SCFD2: variants seen among roughly 807,000 people sequenced by gnomAD.
The protein encoded by SCFD2 is sec1 family domain-containing protein 2.
A neutral mutation model predicts 58.9 loss-of-function variants in SCFD2; 54 were observed. That is an observed-to-expected ratio of 0.92 (90% confidence interval 0.74 to 1.15). SCFD2 has a LOEUF of 1.15. SCFD2 is among the 50% of genes most tolerant of loss of function. The pLI is 0.00. For synonymous variants in SCFD2, 321 were observed against 335.9 expected (o/e 0.96, Z 0.49); for missense variants, 805 against 836.6 (o/e 0.96, Z 0.47).
chr4:53,013,176 AC>A (rs1269248662), intron 5 of SCFD2, among the ~76,000 whole-genome samples: 2 of 152,174 alleles, frequency 1.3e-5, no homozygotes, highest in Admixed American at 6.5e-5. Flanking sequence ...CTTCCTTTAC[AC>A]CTACAGTACT....
chr4:53,152,144 T>C (rs1159420841), intron 4 of SCFD2, among the ~76,000 whole-genome samples: 2 of 152,328 alleles, frequency 1.3e-5, no homozygotes, highest in African/African-American at 2.4e-5. Flanking sequence ...TCATCTGATG[T>C]AATTAACAAG....
chr4:52,997,832 G>A (rs556708135), intron 5 of SCFD2, among the ~76,000 whole-genome samples: 18 of 152,236 alleles, frequency 1.2e-4, no homozygotes, highest in African/African-American at 4.1e-4. Flanking sequence ...TATATCCCTG[G>A]CAGCCCTTGG....
chr4:52,923,089 T>C (rs748229609), intron 5 of SCFD2, among the ~76,000 whole-genome samples: 1 of 152,146 alleles, frequency 6.6e-6, no homozygotes, highest in Non-Finnish European at 1.5e-5. Context: ...TCAGTCACTG[T>C]GTGACATTGT....
At chr4:53,203,627 A>T (rs1262405645) in intron 4 of SCFD2, among the ~76,000 whole-genome samples, 9 of 152,104 alleles carry the variant, frequency 5.9e-5, no homozygotes, top group Non-Finnish European at 1.3e-4. Flanking sequence ...TTGAAAGCCA[A>T]TGAATAAGGT....
At chr4:53,166,819 CAAA>C (rs1200367127) in intron 4 of SCFD2, among the ~76,000 whole-genome samples, 7 of 102,292 alleles carry the variant, frequency 6.8e-5, no homozygotes, top group African/African-American at 2.4e-4. Flanking sequence ...GGTGTAATAT[CAAA>C]AATGCCCACC....
intron 4 of SCFD2, among the ~76,000 whole-genome samples, chr4:53,247,049 G>C (rs192400936): frequency 2.7e-3 from 395 of 148,148 alleles, no homozygotes; most frequent in African/African-American, 9.3e-3. Context: ...GTGGGCAAAG[G>C]TTGAATACTA....
intron 5 of SCFD2, among the ~76,000 whole-genome samples, chr4:52,921,688 C>T (rs1051238250): frequency 2.0e-5 from 3 of 152,092 alleles, no homozygotes; most frequent in African/African-American, 4.8e-5. Flanking sequence ...AAGGCCCTGC[C>T]CATACCCACT....
chr4:52,899,978 C>T (rs990692593), intron 7 of SCFD2, among the ~76,000 whole-genome samples: 4 of 152,172 alleles, frequency 2.6e-5, no homozygotes, highest in Admixed American at 6.5e-5. Context: ...ACGTAGTTCT[C>T]GTGCCGTGGT....
At chr4:53,140,572 T>C (rs1236566545) in intron 5 of SCFD2, among the ~76,000 whole-genome samples, 2 of 151,718 alleles carry the variant, frequency 1.3e-5, no homozygotes, top group Non-Finnish European at 2.9e-5. Context: ...AGAGGATGCA[T>C]TCATAAAAAT....
intron 3 of SCFD2, among the ~76,000 whole-genome samples, chr4:53,311,704 C>G (rs1025221416): frequency 2.7e-4 from 41 of 151,592 alleles, no homozygotes; most frequent in African/African-American, 9.7e-4. Flanking sequence ...GGCGCAATCT[C>G]AGCTCACTGG....
Position 53,299,239 on chromosome 4 carries a change from G to T in SCFD2, c.1135+14397C>A, listed in dbSNP as rs190063839. Among the ~76,000 whole-genome samples, 306 of 152,296 alleles carry T rather than the reference G, an allele frequency of 2.0e-3. 1 individual carries two copies. Among genetic ancestry groups the T allele is most frequent in the African/African-American group, 7.1e-3 (295 of 41,554 alleles). Reference sequence around the variant, plus strand: ...GGATAACTAGAATAACCAATGCAGAGAAGTCCTTAAAGGACCTGATGGAGC... The same window carrying T: ...GGATAACTAGAATAACCAATGCAGATAAGTCCTTAAAGGACCTGATGGAGC... On this transcript the variant is annotated intron_variant, in intron 3 of 8. Transcript: ENST00000401642.
chr4:52,874,612 A>G (rs1272843603), intron 8 of SCFD2, among the ~76,000 whole-genome samples: 1 of 152,164 alleles, frequency 6.6e-6, no homozygotes, highest in East Asian at 1.9e-4. Flanking sequence ...CTAGAAGTCC[A>G]AGATCAAGGT....
At chr4:53,096,638 C>A (rs1724645378) in intron 5 of SCFD2, among the ~76,000 whole-genome samples, 1 of 152,162 alleles carries the variant, frequency 6.6e-6, no homozygotes, top group Non-Finnish European at 1.5e-5. Context: ...GAGTAGATTG[C>A]AAAAATTTTC....
chr4:53,087,650 CTTTTTCCTTTTTTTTTTTTTT>C (rs1724348236), intron 5 of SCFD2, among the ~76,000 whole-genome samples: 1 of 137,716 alleles, frequency 7.3e-6, no homozygotes, highest in South Asian at 2.3e-4. Context: ...TTTCTTTTTT[CTTTTTCCTTTTTTTTTTTTTT>C]TTTTTTGAGA....
chr4:53,345,992 C>G (rs550302956), intron 2 of SCFD2, among the ~76,000 whole-genome samples: 1 of 152,052 alleles, frequency 6.6e-6, no homozygotes, highest in African/African-American at 2.4e-5. Context: ...GGAGAAATAC[C>G]TAACGTAAAT....
intron 5 of SCFD2, among the ~76,000 whole-genome samples, chr4:52,995,245 T>G (rs546684401): frequency 1.3e-5 from 2 of 152,260 alleles, no homozygotes; most frequent in East Asian, 3.9e-4. Flanking sequence ...CATTAGATTC[T>G]CACAAGGAGC....
At chr4:53,169,906 G>A (rs1025847060) in intron 4 of SCFD2, among the ~76,000 whole-genome samples, 12 of 151,958 alleles carry the variant, frequency 7.9e-5, no homozygotes, top group Admixed American at 5.9e-4. Context: ...GAGATGTTTC[G>A]GTTCCTTAAA....
rs1734677762 is a variant in SCFD2 at position 53,365,629 on chromosome 4, T to C, written c.313A>G (p.Thr105Ala). The C allele has an allele frequency of 6.2e-7, 1 of 1,614,092 alleles. No individual in the cohort carries two copies. The highest frequency in any genetic ancestry group is 8.5e-7 in the Non-Finnish European group (1 of 1,180,046). Residue 105 changes from threonine to alanine, a missense_variant, in exon 1 of 9, where the codon ACA (threonine) becomes GCA (alanine). By Grantham distance (58) the Thr-to-Ala change is moderately conservative. Around this residue, in one of 3 missense-constraint regions of SCFD2, gnomAD observed 155 missense variants for 149.7 expected, o/e 1.04. Coordinates refer to ENST00000401642, the MANE Select transcript of SCFD2 (RefSeq NM_152540.4). This position sits in a 1 kb window ranked among gnomAD's most constrained non-coding sequence, Gnocchi z 4.3. ...AGGTGGACAGCGTGGCTCACGGTTG[T>C]GACCACCACACAATACTGGAAGTGA... ...RSHFQYCVVV[T>A]TVSHAVHLTA... is the part of the protein sequence containing the mutation.
intron 5 of SCFD2, among the ~76,000 whole-genome samples, chr4:52,989,014 G>GA (rs34413412): frequency 5.3e-5 from 8 of 152,120 alleles, no homozygotes; most frequent in South Asian, 2.1e-4. Context: ...AATCCTGGGG[G>GA]AAAAAAGTGG....
Sources: allele counts gnomAD v4.1 joint callset (sites outside exome capture counted in the v4.1 genomes callset), GRCh38; gene constraint gnomAD v4.1.1; regional missense constraint gnomAD v4.1.1; non-coding constraint Gnocchi (gnomAD v3.1); transcripts MANE v1.5; gene names NCBI Gene and HGNC (gene_info 2026-07-23, HGNC 2026-07-21).